The following PRKCH variants were observed in gnomAD, a reference collection of about 807,000 sequenced individuals.
The protein encoded by PRKCH is protein kinase C eta type.
Under a neutral mutation model 82.5 loss-of-function variants are expected in PRKCH, and 28 were observed. The ratio of observed to expected loss-of-function variants is 0.34; its 90% CI spans 0.25 to 0.47. The LOEUF (loss-of-function observed/expected upper bound fraction) is 0.47, where lower values mean the gene tolerates loss of function less well. Ranked by LOEUF, PRKCH falls within the 20% of genes least tolerant of loss-of-function variation. The pLI is 1.00. For synonymous variants in PRKCH, 322 were observed against 327.4 expected (o/e 0.98, Z 0.18); for missense variants, 705 against 881.8 (o/e 0.80, Z 2.54).
intron 9 of PRKCH, among the ~76,000 whole-genome samples, chr14:61,460,133 C>T (rs1004281569): frequency 1.3e-5 from 2 of 152,168 alleles, no homozygotes; most frequent in Non-Finnish European, 2.9e-5. Context: ...AGGCGTGAGC[C>T]ACTGTACCTG....
chr14:61,507,617 C>T (rs924773546), intron 10 of PRKCH, among the ~76,000 whole-genome samples: 5 of 152,014 alleles, frequency 3.3e-5, no homozygotes, highest in East Asian at 1.9e-4. Context: ...CCTATCATTC[C>T]GGACAGTGTG....
At chr14:61,251,054 G>A (rs1438754426) in intron 1 of PRKCH, among the ~76,000 whole-genome samples, 2 of 152,062 alleles carry the variant, frequency 1.3e-5, no homozygotes, top group Non-Finnish European at 2.9e-5. Flanking sequence ...AAATTTTTGT[G>A]GGTACATAAT....
intron 13 of PRKCH, 46 bp from the exon 14 acceptor site, chr14:61,549,639 C>A: frequency 6.2e-7 from 1 of 1,600,560 alleles, no homozygotes; most frequent in Non-Finnish European, 8.5e-7. Context: ...ATGAGTAAGC[C>A]TCAAGCGCAA....
intron 1 of PRKCH, among the ~76,000 whole-genome samples, chr14:61,283,542 T>C (rs1414481114): frequency 6.6e-6 from 1 of 152,146 alleles, no homozygotes; most frequent in Non-Finnish European, 1.5e-5. Context: ...TATTTTTATT[T>C]TTATTTTTTG....
intron 11 of PRKCH, among the ~76,000 whole-genome samples, chr14:61,529,979 C>T (rs1029433374): frequency 6.6e-5 from 10 of 152,136 alleles, no homozygotes; most frequent in Admixed American, 2.0e-4. Context: ...ACAAAGTGTA[C>T]GCCATTCATG....
At chr14:61,544,055 G>C (rs966320025) in intron 12 of PRKCH, 1 of 152,202 alleles carries the variant, frequency 6.6e-6, no homozygotes, top group African/African-American at 2.4e-5. Flanking sequence ...TCCTTCTCCC[G>C]GTCCTGGTTT....
chr14:61,408,482 T>G (rs1882085397), intron 2 of PRKCH, among the ~76,000 whole-genome samples: 1 of 152,112 alleles, frequency 6.6e-6, no homozygotes, highest in South Asian at 2.1e-4. Flanking sequence ...GATAGGGGCA[T>G]GGGTAGGGGA....
intron 1 of PRKCH, among the ~76,000 whole-genome samples, chr14:61,376,199 G>A (rs188162301): frequency 6.6e-6 from 1 of 152,110 alleles, no homozygotes; most frequent in Non-Finnish European, 1.5e-5. Context: ...GGTTGTGAAG[G>A]TCTGCTCAGG....
In PRKCH at chr14:61,352,742, G is replaced by T. The variant is rs547078656; in HGVS notation, c.363+30278G>T. Among the ~76,000 whole-genome samples the T allele has an allele frequency of 2.1e-4, 32 of 150,398 alleles. 1 individual carries two copies. In the South Asian group the frequency reaches 5.1e-3, roughly 24 times the overall value. On this transcript the variant is annotated intron_variant, in intron 1 of 13. Coordinates refer to ENST00000332981, the MANE Select transcript of PRKCH (RefSeq NM_006255.5). ...AGAAAGAAAGAAAGAAAGAAAGAAA[G>T]ATGTCCTAGATATATTGTTGAGTGA...
At chr14:61,212,068 T>C (rs2044585766) in intron 1 of PRKCH, among the ~76,000 whole-genome samples, 1 of 152,176 alleles carries the variant, frequency 6.6e-6, no homozygotes. Flanking sequence ...CACCCTTTCC[T>C]TCGTTTCAGA....
intron 10 of PRKCH, among the ~76,000 whole-genome samples, chr14:61,505,292 G>A (rs1408620237): frequency 1.3e-5 from 2 of 151,820 alleles, no homozygotes; most frequent in African/African-American, 2.4e-5. Flanking sequence ...TCGGGTGAGG[G>A]CCTGTTTCTT....
intron 2 of PRKCH, among the ~76,000 whole-genome samples, chr14:61,398,763 G>GA (rs113277791): frequency 0.017 from 2,604 of 152,168 alleles, 83 homozygotes; most frequent in African/African-American, 0.059. Flanking sequence ...CCAGACTGTG[G>GA]AAAAATTTTA....
rs141955104 is a variant in PRKCH, at chr14:61,523,256, GA to G, written c.1434-5812del. On this transcript the variant is annotated intron_variant, in intron 10 of 13. Transcript: ENST00000332981. ...CCATTGAACTCTATGCACAAGCTAA[GA>G]AAAAAACCTTGCTTTGCAGTATTTC... Among the ~76,000 whole-genome samples the G allele has an allele frequency of 0.017, 2,562 of 152,226 alleles. 126 individuals are homozygous for G. The East Asian group carries it at 0.21, about 13-fold the overall frequency.
intron 1 of PRKCH, among the ~76,000 whole-genome samples, chr14:61,223,104 C>T (rs1337392650): frequency 6.6e-6 from 1 of 152,124 alleles, no homozygotes; most frequent in Non-Finnish European, 1.5e-5. Flanking sequence ...ATCCAATTCT[C>T]CATAAGCAAA....
intron 9 of PRKCH, among the ~76,000 whole-genome samples, chr14:61,459,642 T>C (rs905633371): frequency 1.1e-4 from 17 of 152,248 alleles, no homozygotes; most frequent in African/African-American, 3.4e-4. Flanking sequence ...GAAAATCTAA[T>C]TTCTTGCGAT....
At chr14:61,387,451 G>T (rs921114582) in intron 1 of PRKCH, among the ~76,000 whole-genome samples, 1 of 152,238 alleles carries the variant, frequency 6.6e-6, no homozygotes, top group African/African-American at 2.4e-5. Flanking sequence ...GCTAGAGACA[G>T]TGTCCACTGG....
At chr14:61,199,401 A>C (rs928956475) in intron 1 of PRKCH, among the ~76,000 whole-genome samples, 2 of 152,176 alleles carry the variant, frequency 1.3e-5, no homozygotes, top group Admixed American at 6.5e-5. Flanking sequence ...CTCCCTGGAG[A>C]GGCTAAAAAT....
chr14:61,424,569 G>T (rs978447478), intron 2 of PRKCH, among the ~76,000 whole-genome samples: 1 of 152,174 alleles, frequency 6.6e-6, no homozygotes. Flanking sequence ...TGAGAGAGAT[G>T]ATCTGAAATT....
chr14:61,300,881 G>T (rs1363271036), intron 1 of PRKCH, among the ~76,000 whole-genome samples: 1 of 152,104 alleles, frequency 6.6e-6, no homozygotes, highest in Admixed American at 6.6e-5. Flanking sequence ...CACTGGCAAG[G>T]TAGAAAATCC....
Sources: gnomAD v4.1 joint callset for allele counts (sites outside exome capture counted in the v4.1 genomes callset) on GRCh38, gnomAD v4.1.1 for gene constraint, MANE v1.5 for transcripts, NCBI Gene and HGNC (gene_info 2026-07-23, HGNC 2026-07-21) for gene names.